The following CPXM2 variants were observed in gnomAD, a reference collection of about 807,000 sequenced individuals.
CPXM2 encodes the protein inactive carboxypeptidase-like protein X2.
In CPXM2, 66 loss-of-function variants were observed where a neutral mutation model predicts 86.1. The ratio of observed to expected loss-of-function variants is 0.77; its 90% CI spans 0.63 to 0.94. CPXM2 has a LOEUF of 0.94. Ranked by LOEUF, CPXM2 falls within the 40% of genes least tolerant of loss-of-function variation. CPXM2 has a pLI of 0.00. For missense variants in CPXM2, 948 were observed against 1,026.3 expected (o/e 0.92, Z 1.04); for synonymous variants, 388 against 400.2 (o/e 0.97, Z 0.36).
chr10:123,778,504 G>T (rs1846855959), intron 7 of CPXM2, among the ~76,000 whole-genome samples: 1 of 152,158 alleles, frequency 6.6e-6, no homozygotes, highest in South Asian at 2.1e-4. Flanking sequence ...TTATCCAAAG[G>T]TCCCTCTTGG....
chr10:123,843,299 C>T, intron 3 of CPXM2: 1 of 455,672 alleles, frequency 2.2e-6, no homozygotes, highest in East Asian at 7.0e-5. Flanking sequence ...AGTTTTTGCT[C>T]TGGAATTTTC....
In CPXM2 at chr10:123,792,767, C is replaced by T. The variant is rs1250437963; in HGVS notation, c.889+5209G>A. ...ATCCCCAGACCTTCTGCAATACTTA[C>T]GCATACAAATCGGCATCAGAAGGTC... On this transcript the variant is annotated intron_variant, in intron 6 of 13. Transcript: ENST00000241305. 3.9e-5 allele frequency among the ~76,000 whole-genome samples: 6 copies of T among 152,170 alleles called. No individual in the cohort carries two copies. In the East Asian group the frequency reaches 5.8e-4, roughly 15 times the overall value.
At chr10:123,751,301 G>T (rs893968457) in intron 13 of CPXM2, among the ~76,000 whole-genome samples, 1 of 152,202 alleles carries the variant, frequency 6.6e-6, no homozygotes, top group Non-Finnish European at 1.5e-5. Context: ...CCCGAGTAGA[G>T]AGCAGTCCTG....
intron 6 of CPXM2, among the ~76,000 whole-genome samples, chr10:123,796,268 T>C (rs934568478): frequency 1.3e-5 from 2 of 152,210 alleles, no homozygotes; most frequent in Admixed American, 6.5e-5. Flanking sequence ...CAGGAAATAA[T>C]TGTGGACACA....
chr10:123,857,453 G>T (rs61861893), intron 3 of CPXM2, among the ~76,000 whole-genome samples: 3 of 151,952 alleles, frequency 2.0e-5, no homozygotes. Context: ...AAGGAGACAC[G>T]TTGAGTTGCT....
chr10:123,933,919 T>C (rs1268027327), intron 2 of CPXM2, among the ~76,000 whole-genome samples: 1 of 152,104 alleles, frequency 6.6e-6, no homozygotes, highest in African/African-American at 2.4e-5. Flanking sequence ...TACCTCTCCT[T>C]ACCCAACTCC....
intron 2 of CPXM2, chr10:123,913,431 C>T (rs1945506468): frequency 6.6e-6 from 1 of 152,574 alleles, no homozygotes; most frequent in Non-Finnish European, 1.5e-5. Context: ...GGGGCATTGG[C>T]TTGGCAAAAG....
chr10:123,923,013 G>A (rs1428685953), intron 2 of CPXM2, among the ~76,000 whole-genome samples: 16 of 152,194 alleles, frequency 1.1e-4, no homozygotes, highest in Non-Finnish European at 2.1e-4. Context: ...CGCCTAGGAA[G>A]TATTTCACCA....
At chr10:123,810,266 A>G (rs1847663067) in intron 4 of CPXM2, among the ~76,000 whole-genome samples, 1 of 152,034 alleles carries the variant, frequency 6.6e-6, no homozygotes, top group Non-Finnish European at 1.5e-5. Context: ...TAAAATAAAA[A>G]TCAGTATAAG....
At position 123,862,631 on chromosome 10, in the gene CPXM2, C is replaced by G; in HGVS notation, c.496G>C (p.Gly166Arg). ...VKRYGLGAHRGRLNIQAGINE... is the reference protein window; with the variant it reads ...VKRYGLGAHRRRLNIQAGINE... ...CCAGGTACCTGGATGTTGAGTCTCCCTCGATGTGCCCCCAGGCCATAGCGC... is the reference window on the plus strand; with the variant it reads ...CCAGGTACCTGGATGTTGAGTCTCCGTCGATGTGCCCCCAGGCCATAGCGC... The change falls in exon 3 of 14, where the codon GGG (glycine) becomes CGG (arginine). Residue 166 changes from glycine to arginine, a missense_variant. Gly to Arg is a moderately radical substitution (Grantham distance 125). Coordinates refer to ENST00000241305, the MANE Select transcript of CPXM2 (RefSeq NM_198148.3). The G allele has an allele frequency of 6.2e-7, 1 of 1,614,148 alleles. No individual in the cohort carries two copies. The highest frequency in any genetic ancestry group is 2.2e-5 in the East Asian group (1 of 44,882).
In CPXM2 at chr10:123,771,259, C is replaced by T. The variant is rs189503234; in HGVS notation, c.979-220G>A. ...TTCCTTCCAGCACCCGCTCTATCAT[C>T]GTCCCCCTAGGAGGAAACTCCTGGC... On this transcript the variant is annotated intron_variant, in intron 7 of 13. Transcript: ENST00000241305. Among the ~76,000 whole-genome samples the T allele has an allele frequency of 4.0e-3, 605 of 152,242 alleles. 3 individuals are homozygous for T. Among genetic ancestry groups the T allele is most frequent in the Non-Finnish European group, 6.0e-3 (405 of 67,986 alleles).
intron 6 of CPXM2, among the ~76,000 whole-genome samples, chr10:123,795,061 T>A (rs1408071642): frequency 1.3e-5 from 2 of 152,194 alleles, no homozygotes; most frequent in African/African-American, 4.8e-5. Context: ...GGAGCCACCA[T>A]GCCCTGCCAA....
At chr10:123,807,493 A>T (rs1443223183) in intron 4 of CPXM2, among the ~76,000 whole-genome samples, 2 of 152,186 alleles carry the variant, frequency 1.3e-5, no homozygotes, top group Admixed American at 1.3e-4. Flanking sequence ...TGCAGCTACT[A>T]GCTTCTGGGA....
intron 3 of CPXM2, among the ~76,000 whole-genome samples, chr10:123,857,707 G>A (rs890373035): frequency 1.3e-5 from 2 of 152,096 alleles, no homozygotes; most frequent in African/African-American, 4.8e-5. Flanking sequence ...TGAAGGCTAG[G>A]GCAAAACGGA....
chr10:123,877,584 A>AACTG (rs1945007771), intron 2 of CPXM2, among the ~76,000 whole-genome samples: 1 of 152,182 alleles, frequency 6.6e-6, no homozygotes, highest in Non-Finnish European at 1.5e-5. Context: ...TTGGGCTCAG[A>AACTG]ACTGACACAT....
intron 2 of CPXM2, among the ~76,000 whole-genome samples, chr10:123,921,280 AT>A (rs34575158): frequency 0.31 from 46,629 of 151,750 alleles, 8,753 homozygotes; most frequent in Non-Finnish European, 0.43. Context: ...TCATAAGACA[AT>A]TTTTTTTTAA....
upstream of CPXM2, among the ~76,000 whole-genome samples, chr10:123,895,480 A>G (rs773168439): frequency 2.0e-5 from 3 of 152,310 alleles, no homozygotes; most frequent in East Asian, 1.9e-4. Flanking sequence ...GATTATTATA[A>G]TATGCTAACT....
exon 1 of CPXM2, chr10:123,940,240 C>T (rs981318460): frequency 7.5e-4 from 115 of 152,462 alleles, no homozygotes; most frequent in African/African-American, 2.6e-3. Flanking sequence ...TGCCTGCATT[C>T]ACCTCCATGC....
chr10:123,764,309 A>G (rs1244209299), intron 10 of CPXM2, among the ~76,000 whole-genome samples: 1 of 152,174 alleles, frequency 6.6e-6, no homozygotes, highest in African/African-American at 2.4e-5. Context: ...TGCCATTTGT[A>G]TCTTACCTAA....
Sources: gnomAD v4.1 joint callset for allele counts (sites outside exome capture counted in the v4.1 genomes callset) on GRCh38, gnomAD v4.1.1 for gene constraint, MANE v1.5 for transcripts, NCBI Gene and HGNC (gene_info 2026-07-23, HGNC 2026-07-21) for gene names.